CUL7: variants seen among roughly 807,000 people sequenced by gnomAD.
CUL7 encodes the protein cullin 7, also known as cullin-7.
CUL7 carries 96 observed loss-of-function variants against 177.7 expected under a neutral mutation model. That is an observed-to-expected ratio of 0.54 (90% confidence interval 0.46 to 0.64). The LOEUF (loss-of-function observed/expected upper bound fraction) is 0.64, where lower values mean the gene tolerates loss of function less well. Among genes scored for constraint, CUL7 ranks in the 30% least tolerant of loss-of-function variants. The pLI is 0.00. For missense variants in CUL7, 1,893 were observed against 2,187.9 expected (o/e 0.87, Z 2.69); for synonymous variants, 824 against 890.2 (o/e 0.93, Z 1.32).
At position 43,045,381 on chromosome 6, in the gene CUL7, G is replaced by A. The variant is rs754285114; in HGVS notation, c.2884C>T (p.Arg962Trp). Residue 962 changes from arginine to tryptophan, a missense_variant, in exon 15 of 26, where the codon CGG becomes TGG. Arg to Trp is a moderately radical substitution (Grantham distance 101, BLOSUM62 -3). Around this residue, in one of 5 missense-constraint regions of CUL7, gnomAD observed 973 missense variants for 1,140.9 expected, o/e 0.85. Coordinates refer to ENST00000265348, the MANE Select transcript of CUL7 (RefSeq NM_014780.5). The surrounding 1 kb of genome is among the most constrained non-coding windows in gnomAD (Gnocchi z 4.8). ...TTGGGGCCTAGGATCTCTAACCCCC[G>A]AATGCGCGTATCAATGCCACCCTGA... ...CQQGGIDTRIRGLEILGPKPT... is the reference protein window; with the variant it reads ...CQQGGIDTRIWGLEILGPKPT... 87 of 1,614,074 alleles carry A rather than the reference G, an allele frequency of 5.4e-5. No individual in the cohort carries two copies. The highest frequency in any genetic ancestry group is 6.9e-5 in the Non-Finnish European group (81 of 1,180,050).
rs374893882 is a variant in CUL7, at chr6:43,050,206, C to G, written c.1373-47G>C. The G allele has an allele frequency of 6.2e-7, 1 of 1,614,040 alleles. No homozygotes were observed. The highest frequency in any genetic ancestry group is 1.3e-5 in the African/African-American group (1 of 74,914). On this transcript the variant is annotated intron_variant, in intron 5 of 25. Coordinates refer to ENST00000265348, the MANE Select transcript of CUL7 (RefSeq NM_014780.5). This position sits in a 1 kb window ranked among gnomAD's most constrained non-coding sequence, Gnocchi z 4.1. ...CACAAGGATGTCACTAGCAACTCAGCAGGACCACCATTCCTCTGCTCAGAG... is the reference window on the plus strand; with the variant it reads ...CACAAGGATGTCACTAGCAACTCAGGAGGACCACCATTCCTCTGCTCAGAG...
chr6:43,039,512 C>T (rs1290481548), intron 22 of CUL7, among the ~76,000 whole-genome samples: 1 of 151,960 alleles, frequency 6.6e-6, no homozygotes, highest in Non-Finnish European at 1.5e-5. Context: ...CCATCCTCCC[C>T]GTCACCCACA....
At position 43,051,568 on chromosome 6, in the gene CUL7, A is replaced by T; in HGVS notation, c.732+44T>A. ...ATAGGTGCAAAGGCCTGGACCCTAG[A>T]TCTTGTTCACAAGTTCCCCCCACCT... is the stretch of plus-strand genomic sequence containing the variant. On this transcript the variant is annotated intron_variant, in intron 3 of 25. Transcript: ENST00000265348. The surrounding 1 kb of genome is among the most constrained non-coding windows in gnomAD (Gnocchi z 5.0). The T allele has an allele frequency of 6.2e-7, 1 of 1,614,070 alleles. No individual in the cohort carries two copies. Among genetic ancestry groups the T allele is most frequent in the South Asian group, 1.1e-5 (1 of 91,024 alleles).
chr6:43,051,390 C>T lies in CUL7; in HGVS notation c.811G>A (p.Ala271Thr). 1 of 1,614,140 alleles carries T rather than the reference C, an allele frequency of 6.2e-7. No homozygotes were observed. Among genetic ancestry groups the T allele is most frequent in the South Asian group, 1.1e-5 (1 of 91,082 alleles). The change falls in exon 4 of 26, where the codon GCT becomes ACT. Residue 271 changes from alanine to threonine, a missense_variant. Transcript: ENST00000265348. The surrounding 1 kb of genome is among the most constrained non-coding windows in gnomAD (Gnocchi z 5.0). Reference protein sequence around the residue: ...TSLLDQLNDSAAEPGAQNTSA... With the variant: ...TSLLDQLNDSTAEPGAQNTSA... ...GTGTTCTGGGCTCCTGGCTCCGCAG[C>T]ACTGTCGTTCAGCTGATCCAGGAGC...
chr6:43,042,262 T>C (rs2150314504), intron 19 of CUL7, among the ~76,000 whole-genome samples: 1 of 152,286 alleles, frequency 6.6e-6, no homozygotes, highest in Non-Finnish European at 1.5e-5. Context: ...AGGAGCCTCA[T>C]GTTCCTGCTG....
In CUL7 at chr6:43,038,379, C is replaced by T. The variant is rs774997479; in HGVS notation, c.4661G>A (p.Gly1554Asp). Residue 1554 changes from glycine to aspartate, a missense_variant, in exon 25 of 26, where the codon GGT becomes GAT. Gly to Asp is a moderately conservative substitution (Grantham distance 94). Around this residue, in one of 5 missense-constraint regions of CUL7, gnomAD observed 248 missense variants for 262.5 expected, o/e 0.94. Transcript: ENST00000265348. ...IPPQTYLQAEGEDGQNLEKRR... is the reference protein window; with the variant it reads ...IPPQTYLQAEDEDGQNLEKRR... ...CTTCTCCAAGTTCTGGCCGTCTTCACCCTCAGCTTGCAGGTACGTCTGAGG... is the reference window on the plus strand; with the variant it reads ...CTTCTCCAAGTTCTGGCCGTCTTCATCCTCAGCTTGCAGGTACGTCTGAGG... 5 of 1,614,230 alleles carry T rather than the reference C, an allele frequency of 3.1e-6. No individual in the cohort carries two copies. Among genetic ancestry groups the T allele is most frequent in the Non-Finnish European group, 4.2e-6 (5 of 1,180,040 alleles).
At position 43,037,961 on chromosome 6, in the gene CUL7, G is replaced by T; in HGVS notation, c.4824C>A (p.Ser1608Arg). 6.3e-7 allele frequency: 1 copy of T among 1,597,084 alleles called. No individual in the cohort carries two copies. Among genetic ancestry groups the T allele is most frequent in the South Asian group, 1.1e-5 (1 of 89,036 alleles). Reference protein sequence around the residue: ...KGPCPPRGLVSSLGKGSACSS... With the variant: ...KGPCPPRGLVRSLGKGSACSS... The stretch of plus-strand genomic sequence containing the variant: ...TGCATGCAGACCCCTTACCAAGGCT[G>T]CTGACCAAACCCCTGGGAGGACACG... Residue 1608 changes from serine (S) to arginine (R), a missense_variant, in exon 26 of 26, where the codon AGC (serine) becomes AGA (arginine). Ser to Arg is a moderately radical substitution (Grantham distance 110). Coordinates refer to ENST00000265348, the MANE Select transcript of CUL7 (RefSeq NM_014780.5).
In CUL7 at chr6:43,037,897, C is replaced by T. The variant is rs77976555; in HGVS notation, c.4888G>A (p.Gly1630Ser). 82 of 1,613,288 alleles carry T rather than the reference C, an allele frequency of 5.1e-5. No individual in the cohort carries two copies. The highest frequency in any genetic ancestry group is 6.9e-5 in the Non-Finnish European group (81 of 1,179,420). ...DVLSCILHLL[G>S]KGTLRRHDDR... is the part of the protein sequence containing the mutation. ...TCATGGCGTCTCAGCGTGCCCTTGC[C>T]CAGGAGGTGTAGGATGCAGGAGAGG... Residue 1630 changes from glycine (G) to serine (S), a missense_variant, in exon 26 of 26, where the codon GGC (glycine) becomes AGC (serine). By Grantham distance (56) the Gly-to-Ser change is moderately conservative (BLOSUM62 0). Around this residue, in one of 5 missense-constraint regions of CUL7, gnomAD observed 248 missense variants for 262.5 expected, o/e 0.94. Coordinates refer to ENST00000265348, the MANE Select transcript of CUL7 (RefSeq NM_014780.5).
chr6:43,044,669 T>C, intron 16 of CUL7, 83 bp downstream of exon 16: 1 of 1,534,136 alleles, frequency 6.5e-7, no homozygotes, highest in Non-Finnish European at 8.8e-7. Flanking sequence ...ATAATCCAGG[T>C]GGTTCTAGGG....
Position 43,051,586 on chromosome 6 carries a change from C to T in CUL7, c.732+26G>A, listed in dbSNP as rs1231184964. ...ACCCTAGATCTTGTTCACAAGTTCC[C>T]CCCACCTTACACCCCCAAAGGTTAC... On this transcript the variant is annotated intron_variant, in intron 3 of 25. Transcript: ENST00000265348. The surrounding 1 kb of genome is among the most constrained non-coding windows in gnomAD (Gnocchi z 5.0). The T allele has an allele frequency of 1.9e-6, 3 of 1,613,988 alleles. No homozygotes were observed. The highest frequency in any genetic ancestry group is 2.5e-6 in the Non-Finnish European group (3 of 1,180,032).
intron 22 of CUL7, 31 bp from the exon 23 acceptor site, chr6:43,039,018 G>A (rs542050235): frequency 5.3e-5 from 81 of 1,517,488 alleles, no homozygotes; most frequent in East Asian, 1.6e-4. Flanking sequence ...GAGACAAAGA[G>A]CAGGTGAAAG....
Position 43,050,301 on chromosome 6 carries a change from T to A in CUL7, c.1331A>T (p.Asp444Val), listed in dbSNP as rs138600128. 4.1e-5 allele frequency: 66 copies of A among 1,614,168 alleles called. No homozygotes were observed. In the African/African-American group the frequency reaches 6.5e-4, roughly 16 times the overall value. Residue 444 changes from aspartate to valine, a missense_variant, in exon 5 of 26, where the codon GAT becomes GTT. By Grantham distance (152) the Asp-to-Val change is radical. Transcript: ENST00000265348. This position sits in a 1 kb window ranked among gnomAD's most constrained non-coding sequence, Gnocchi z 4.1. ...EEDIEDMVEA[D>V]EYQGAVASRV... ...ACTGGCCACTGCCCCTTGGTACTCA[T>A]CAGCCTCAACCATGTCCTCAATGTC...
chr6:43,046,794 CCA>C, intron 10 of CUL7, 84 bp downstream of exon 10: 1 of 1,202,894 alleles, frequency 8.3e-7, no homozygotes, highest in Non-Finnish European at 1.2e-6. Context: ...CTGTTCCCAG[CCA>C]TGGGAACACA....
In CUL7 at chr6:43,046,524, T is replaced by C. The variant is rs775277088; in HGVS notation, c.2475A>G (p.Arg825=). ...ACAGGCACGAACCCTGGCACAGGTA[T>C]CTGAGGAACACATCAAAGAAAGGGA... The part of the protein sequence containing the change: ...INIPFFDVFL[R]YLCQGSSVEV... Residue 825 remains arginine, a synonymous_variant, in exon 11 of 26, where the codon AGA becomes AGG. Coordinates refer to ENST00000265348, the MANE Select transcript of CUL7 (RefSeq NM_014780.5). The C allele has an allele frequency of 1.2e-6, 2 of 1,613,958 alleles. No individual in the cohort carries two copies. The highest frequency in any genetic ancestry group is 1.7e-6 in the Non-Finnish European group (2 of 1,179,852).
rs568422672 is a variant in CUL7, at chr6:43,051,658, G to A, written c.686C>T (p.Thr229Met). Residue 229 changes from threonine (T) to methionine (M), a missense_variant, in exon 3 of 26, where the codon ACG becomes ATG. By Grantham distance (81) the Thr-to-Met change is moderately conservative. This residue lies in a region of CUL7 where 653 missense variants were observed against 725.2 expected (regional missense o/e 0.90). Transcript: ENST00000265348. This position sits in a 1 kb window ranked among gnomAD's most constrained non-coding sequence, Gnocchi z 5.0. Reference sequence around the variant, plus strand: ...GAAAGACATGGGGTGTTCAGAGAGCGTGGCCTGTGCAAACAGTGCTAGCAG... The same window carrying A: ...GAAAGACATGGGGTGTTCAGAGAGCATGGCCTGTGCAAACAGTGCTAGCAG... ...CALLALFAQA[T>M]LSEHPMSFEG... The A allele has an allele frequency of 2.2e-5, 36 of 1,614,160 alleles. No individual in the cohort carries two copies. Among genetic ancestry groups the A allele is most frequent in the East Asian group, 2.0e-4 (9 of 44,884 alleles).
chr6:43,045,924 T>C lies in CUL7; in HGVS notation c.2766+62A>G, dbSNP rs2273918. ...TAGAAAAAAGTAGGATAGGGCCAGA[T>C]AGAAGCAGGAGGGCAGATCCTGTGA... is the stretch of plus-strand genomic sequence containing the variant. On this transcript the variant is annotated intron_variant, in intron 13 of 25. Coordinates refer to ENST00000265348, the MANE Select transcript of CUL7 (RefSeq NM_014780.5). This position sits in a 1 kb window ranked among gnomAD's most constrained non-coding sequence, Gnocchi z 4.8. 132,433 of 1,374,660 alleles carry C rather than the reference T, an allele frequency of 0.096. 8,907 individuals carry two copies. Among genetic ancestry groups the C allele is most frequent in the African/African-American group, 0.28 (19,573 of 69,856 alleles). The allele number at this position is 1,374,660 out of a possible 1,614,324, so 85.2% of individuals were successfully genotyped here. A position where few individuals can be genotyped will look rare whatever the true frequency, so the allele number is the denominator to read the frequency against.
Position 43,043,491 on chromosome 6 carries a change from C to T in CUL7, c.3312G>A (p.Glu1104=). The part of the protein sequence containing the change: ...RRLTHLLVHV[E]PCEAPPPVVA... ...CCACAGGAGGGGGTGCCTCACAGGG[C>T]TCGACATGCACCAGCAGGTGAGTGA... The change falls in exon 17 of 26, where the codon GAG becomes GAA. Residue 1104 remains glutamate (E), a synonymous_variant. Coordinates refer to ENST00000265348, the MANE Select transcript of CUL7 (RefSeq NM_014780.5). This position sits in a 1 kb window ranked among gnomAD's most constrained non-coding sequence, Gnocchi z 4.2. 2 of 1,614,100 alleles carry T rather than the reference C, an allele frequency of 1.2e-6. No homozygotes were observed. The highest frequency in any genetic ancestry group is 1.7e-5 in the Admixed American group (1 of 60,018).
chr6:43,038,598 A>AG lies in CUL7; in HGVS notation c.4534dup (p.Leu1512ProfsTer42), dbSNP rs1763151156. The AG allele has an allele frequency of 6.2e-7, 1 of 1,614,108 alleles. No individual in the cohort carries two copies. Among genetic ancestry groups the AG allele is most frequent in the Non-Finnish European group, 8.5e-7 (1 of 1,179,982 alleles). Reference sequence around the variant, plus strand: ...TATATCCTTTTGCTCGTGAAGGTCCAGGGGGCCTCTTGAAGAGGTGAGGGG... The same window carrying AG: ...TATATCCTTTTGCTCGTGAAGGTCCAGGGGGGCCTCTTGAAGAGGTGAGGGG... On this transcript the variant is annotated frameshift_variant, in exon 24 of 26. Transcript: ENST00000265348. LOFTEE classifies it high-confidence loss of function.
chr6:43,043,091 C>T lies in CUL7; in HGVS notation c.3445G>A (p.Ala1149Thr). ...IMRNLTRCWR[A>T]VVEKQVNNFL... The stretch of plus-strand genomic sequence containing the variant: ...CTGCCCACCTGCTTCTCCACCACGG[C>T]CCGCCAACAGCGCGTCAGGTTTCTC... The change falls in exon 18 of 26, where the codon GCC becomes ACC. Residue 1149 changes from alanine to threonine, a missense_variant. Transcript: ENST00000265348. This position sits in a 1 kb window ranked among gnomAD's most constrained non-coding sequence, Gnocchi z 4.2. 1 of 1,614,124 alleles carries T rather than the reference C, an allele frequency of 6.2e-7. No individual in the cohort carries two copies.
Sources: gnomAD v4.1 joint callset for allele counts (sites outside exome capture counted in the v4.1 genomes callset) on GRCh38, gnomAD v4.1.1 for gene constraint, gnomAD v4.1.1 regional missense constraint, Gnocchi (gnomAD v3.1) non-coding constraint, MANE v1.5 for transcripts, NCBI Gene and HGNC (gene_info 2026-07-23, HGNC 2026-07-21) for gene names.